PYY: variants seen among roughly 807,000 people sequenced by gnomAD.
PYY encodes the protein peptide tyrosine tyrosine.
In PYY, 12 loss-of-function variants were observed where a neutral mutation model predicts 10.3. That is an observed-to-expected ratio of 1.17 (90% CI 0.75 to 1.89). PYY has a LOEUF of 1.89. Among genes scored for constraint, PYY ranks in the 40% most tolerant of loss-of-function variants. PYY has a pLI of 0.00. For synonymous variants in PYY, 66 were observed against 62.0 expected (o/e 1.06, Z -0.30); for missense variants, 141 against 134.0 (o/e 1.05, Z -0.26).
intron 2 of PYY, 48 bp downstream of exon 2, chr17:43,953,248 G>C: frequency 1.9e-6 from 3 of 1,609,120 alleles, no homozygotes; most frequent in Non-Finnish European, 2.5e-6. Flanking sequence ...GGTGGAGCGG[G>C]GCCGCAGGGT....
intron 1 of PYY, among the ~76,000 whole-genome samples, chr17:43,982,923 C>G (rs1304959793): frequency 6.6e-6 from 1 of 152,090 alleles, no homozygotes; most frequent in Non-Finnish European, 1.5e-5. Flanking sequence ...CCTCCAGCAG[C>G]CAATTGGGGT....
At chr17:43,959,145 C>T (rs2048695107) in intron 2 of PYY, among the ~76,000 whole-genome samples, 1 of 152,040 alleles carries the variant, frequency 6.6e-6, no homozygotes, top group Admixed American at 6.6e-5. Flanking sequence ...GTCAAGACAC[C>T]CAAAGAAAAA....
chr17:43,953,166 T>C lies in PYY; in HGVS notation c.212A>G (p.Asp71Gly). The change falls in exon 3 of 4, where the codon GAC (aspartate) becomes GGC (glycine). Residue 71 changes from aspartate to glycine, a missense_variant. Asp to Gly is a moderately conservative substitution (Grantham distance 94). Transcript: ENST00000692052. ...RQRYGKRDGP[D>G]TLLSKTFFPD... ...GAAGAACGTTTTGGAAAGAAGCGTG[T>C]CCGGGCCGTCTCTTTTCCCATACCT... is the stretch of plus-strand genomic sequence containing the variant. The C allele has an allele frequency of 6.2e-7, 1 of 1,613,568 alleles. No individual in the cohort carries two copies. The highest frequency in any genetic ancestry group is 8.5e-7 in the Non-Finnish European group (1 of 1,179,776).
intron 3 of PYY, 55 bp downstream of exon 3, chr17:43,953,054 G>A (rs2048642457): frequency 6.2e-7 from 1 of 1,605,836 alleles, no homozygotes; most frequent in Non-Finnish European, 8.5e-7. Context: ...ATGTTGCCAG[G>A]GTAGGGCCAG....
chr17:43,970,334 C>A (rs1429815599), intron 1 of PYY, among the ~76,000 whole-genome samples: 3 of 151,340 alleles, frequency 2.0e-5, no homozygotes, highest in Non-Finnish European at 4.4e-5. Flanking sequence ...ATGAAAAAAC[C>A]CCATCTCTAC....
intron 1 of PYY, among the ~76,000 whole-genome samples, chr17:43,994,666 C>T (rs2048979289): frequency 6.6e-6 from 1 of 152,188 alleles, no homozygotes; most frequent in Admixed American, 6.5e-5. Context: ...GTGGCTCAGC[C>T]TGAGGGGAGA....
At chr17:43,974,759 CAG>C (rs1165395762) in intron 1 of PYY, among the ~76,000 whole-genome samples, 8 of 152,256 alleles carry the variant, frequency 5.3e-5, no homozygotes, top group South Asian at 2.1e-4. Context: ...TAAAAATGTT[CAG>C]AGTTACAGCA....
At chr17:43,958,536 C>T (rs1369684052), upstream of PYY, among the ~76,000 whole-genome samples, 4 of 152,294 alleles carry the variant, frequency 2.6e-5, no homozygotes, top group African/African-American at 4.8e-5. Context: ...CATGCCACCA[C>T]GCCTGGCTAA....
At chr17:43,985,646 T>G (rs2048911449) in intron 1 of PYY, among the ~76,000 whole-genome samples, 1 of 152,208 alleles carries the variant, frequency 6.6e-6, no homozygotes, top group African/African-American at 2.4e-5. Context: ...TGTTTGTGAA[T>G]GTAACCAATG....
At position 43,953,306 on chromosome 17, in the gene PYY, T is replaced by G. The variant is rs768312331; in HGVS notation, c.178A>C (p.Thr60Pro). The change falls in exon 2 of 4, where the codon ACC (threonine) becomes CCC (proline). Residue 60 changes from threonine (T) to proline (P), a missense_variant. Coordinates refer to ENST00000692052, the MANE Select transcript of PYY (RefSeq NM_001394028.1). The part of the protein sequence containing the change: ...ASLRHYLNLV[T>P]RQRYGKRDGP... ...CGCGCCTGCGCTCACCGCTGCCGGG[T>G]GACCAGGTTGAGGTAGTGGCGCAGG... 6 of 1,612,340 alleles carry G rather than the reference T, an allele frequency of 3.7e-6. No individual in the cohort carries two copies. In the Admixed American group the frequency reaches 6.7e-5, roughly 18 times the overall value.
Position 43,966,699 on chromosome 17 carries a change from CT to C in PYY, c.-462-168del, listed in dbSNP as rs1470048138. Among the ~76,000 whole-genome samples, 3 of 152,320 alleles carry C rather than the reference CT, an allele frequency of 2.0e-5. No homozygotes were observed. In the East Asian group the frequency reaches 5.8e-4, roughly 29 times the overall value. The stretch of plus-strand genomic sequence containing the variant: ...CCAGCACTTAGCACTTTCTAGCATT[CT>C]ATGTAATTGACTTATTTGTATGCTT... On this transcript the variant is annotated intron_variant, in intron 1 of 6. Transcript: ENST00000360085.
chr17:43,981,710 G>A (rs1319912385), intron 1 of PYY, among the ~76,000 whole-genome samples: 2 of 151,994 alleles, frequency 1.3e-5, no homozygotes, highest in Non-Finnish European at 2.9e-5. Context: ...GGTTGGTCTC[G>A]AACTCCTGAC....
intron 1 of PYY, among the ~76,000 whole-genome samples, chr17:43,984,385 C>T (rs1005302975): frequency 1.2e-4 from 19 of 152,246 alleles, no homozygotes; most frequent in Non-Finnish European, 1.8e-4. Flanking sequence ...CTAAACACAG[C>T]TACCATCGAC....
Position 43,992,608 on chromosome 17 carries a change from G to A in PYY, c.-463+11783C>T, listed in dbSNP as rs567215150. On this transcript the variant is annotated intron_variant, in intron 1 of 6. Coordinates refer to the PYY transcript ENST00000360085. ...TGTAATTCCAGCTACTCGGGAGGCTGAGGCAGGAGAACTGCTTGAACCTGG... is the reference window on the plus strand; with the variant it reads ...TGTAATTCCAGCTACTCGGGAGGCTAAGGCAGGAGAACTGCTTGAACCTGG... 1.3e-4 allele frequency among the ~76,000 whole-genome samples: 20 copies of A among 152,286 alleles called. No individual in the cohort carries two copies. The South Asian group carries it at 3.7e-3, about 28-fold the overall frequency.
chr17:44,002,407 G>C (rs2049034597), intron 1 of PYY, among the ~76,000 whole-genome samples: 1 of 152,140 alleles, frequency 6.6e-6, no homozygotes, highest in African/African-American at 2.4e-5. Context: ...TAGGAACTGA[G>C]GGTGCTTAGG....
At chr17:44,002,159 T>C (rs73986682) in intron 1 of PYY, among the ~76,000 whole-genome samples, 4,165 of 151,934 alleles carry the variant, frequency 0.027, 199 homozygotes, top group African/African-American at 0.095. Flanking sequence ...AATGAGGAGG[T>C]CCTATGTCAG....
intron 2 of PYY, 24 bp from the exon 3 acceptor site, chr17:43,953,213 G>A (rs371923343): frequency 2.3e-4 from 364 of 1,613,010 alleles, no homozygotes; most frequent in Non-Finnish European, 2.8e-4. Context: ...AGGGAAGAGC[G>A]TGGTCAGATC....
intron 1 of PYY, among the ~76,000 whole-genome samples, chr17:43,994,524 C>G (rs2048978234): frequency 6.6e-6 from 1 of 152,170 alleles, no homozygotes; most frequent in Non-Finnish European, 1.5e-5. Context: ...AGAGTGGGAG[C>G]AAAAGTCCTG....
chr17:43,976,464 C>T (rs1476307685), intron 1 of PYY, among the ~76,000 whole-genome samples: 2 of 144,110 alleles, frequency 1.4e-5, no homozygotes, highest in Non-Finnish European at 1.5e-5. Flanking sequence ...CATATATATA[C>T]ACACACACAC....
Sources: gnomAD v4.1 joint callset for allele counts (sites outside exome capture counted in the v4.1 genomes callset) on GRCh38, gnomAD v4.1.1 for gene constraint, MANE v1.5 for transcripts, NCBI Gene and HGNC (gene_info 2026-07-23, HGNC 2026-07-21) for gene names.